Variants in PLEKHM3 observed in about 807,000 individuals in gnomAD.
The protein encoded by PLEKHM3 is pleckstrin homology domain containing M3.
In PLEKHM3, 45 loss-of-function variants were observed where a neutral mutation model predicts 81.8. The observed-to-expected ratio is 0.55, with a 90% CI of 0.43 to 0.71. The LOEUF (loss-of-function observed/expected upper bound fraction) is 0.71. PLEKHM3 is among the 30% of genes least tolerant of loss of function. The pLI is 0.00. For missense variants in PLEKHM3, 788 were observed against 924.3 expected (o/e 0.85, Z 1.91); for synonymous variants, 352 against 356.4 (o/e 0.99, Z 0.14).
At chr2:207,880,361 C>G (rs1387051018) in intron 6 of PLEKHM3, among the ~76,000 whole-genome samples, 2 of 149,760 alleles carry the variant, frequency 1.3e-5, no homozygotes, top group Non-Finnish European at 3.0e-5. Context: ...GAGCTGAGAT[C>G]GTGCCACTGC....
In PLEKHM3 at chr2:207,824,566, C is replaced by T. The variant is rs2092238053; in HGVS notation, c.*3753G>A. On this transcript the variant is annotated 3_prime_UTR_variant, in exon 8 of 8. Coordinates refer to ENST00000427836, the MANE Select transcript of PLEKHM3 (RefSeq NM_001080475.3). ...CAGTGTGCGTGGCATCGTGCTAGTCCCACCTGGATATACTAATTTATGGAC... is the reference window on the plus strand; with the variant it reads ...CAGTGTGCGTGGCATCGTGCTAGTCTCACCTGGATATACTAATTTATGGAC... The T allele has an allele frequency of 6.6e-6, 1 of 152,226 alleles. No homozygotes were observed. Among genetic ancestry groups the T allele is most frequent in the Non-Finnish European group, 1.5e-5 (1 of 68,058 alleles). 9.4% of individuals were successfully genotyped at this position (152,226 alleles called of 1,614,324 possible).
intron 6 of PLEKHM3, among the ~76,000 whole-genome samples, chr2:207,868,130 C>A (rs752752891): frequency 1.3e-5 from 2 of 152,152 alleles, no homozygotes; most frequent in Non-Finnish European, 2.9e-5. Context: ...CTCAACAGGG[C>A]TCAGCGTGGG....
chr2:207,860,096 T>C (rs866968787), intron 7 of PLEKHM3, among the ~76,000 whole-genome samples: 2 of 150,944 alleles, frequency 1.3e-5, no homozygotes, highest in Admixed American at 6.6e-5. Flanking sequence ...CTCTGGGCTA[T>C]ATAAGCTCTA....
intron 7 of PLEKHM3, among the ~76,000 whole-genome samples, chr2:207,834,848 G>A (rs1295062548): frequency 6.6e-6 from 1 of 152,074 alleles, no homozygotes; most frequent in Non-Finnish European, 1.5e-5. Context: ...TGTCCTACCT[G>A]GGCCATCTAA....
chr2:207,861,343 T>G, intron 6 of PLEKHM3, 81 bp from the exon 7 acceptor site: 1 of 1,383,218 alleles, frequency 7.2e-7, no homozygotes, highest in Non-Finnish European at 9.8e-7. Context: ...AAGGAATTCC[T>G]TTCCTTTACA....
chr2:208,025,523 T>C lies in PLEKHM3; in HGVS notation c.-453A>G. ...CGCTGACCATCCCGGCCCGGCTCTG[T>C]TTACAAGCGGCTTCTCGCGGTCCCA... On this transcript the variant is annotated 5_prime_UTR_variant, in exon 1 of 8. Coordinates refer to ENST00000427836, the MANE Select transcript of PLEKHM3 (RefSeq NM_001080475.3). 1.3e-5 allele frequency: 2 copies of C among 152,358 alleles called. No homozygotes were observed. The highest frequency in any genetic ancestry group is 4.1e-4 in the South Asian group (2 of 4,830). 9.4% of individuals were successfully genotyped at this position (152,358 alleles called of 1,614,324 possible).
At chr2:207,955,412 AAAAT>A (rs1469862730) in intron 3 of PLEKHM3, among the ~76,000 whole-genome samples, 1 of 152,192 alleles carries the variant, frequency 6.6e-6, no homozygotes, top group Non-Finnish European at 1.5e-5. Context: ...TTTAAAAATA[AAAAT>A]AAATAAATAA....
chr2:207,926,995 G>A (rs572269187), intron 5 of PLEKHM3, among the ~76,000 whole-genome samples: 11 of 152,224 alleles, frequency 7.2e-5, no homozygotes, highest in African/African-American at 1.9e-4. Context: ...ACAGGTCTTC[G>A]GCATGTTGCG....
At chr2:207,882,588 G>A (rs1455297421) in intron 6 of PLEKHM3, among the ~76,000 whole-genome samples, 1 of 143,204 alleles carries the variant, frequency 7.0e-6, no homozygotes, top group Non-Finnish European at 1.5e-5. Context: ...CTCCAGCCTG[G>A]GCGACAAGAG....
chr2:207,873,474 A>G (rs537483521), intron 6 of PLEKHM3, among the ~76,000 whole-genome samples: 1 of 152,366 alleles, frequency 6.6e-6, no homozygotes, highest in Admixed American at 6.5e-5. Flanking sequence ...ACCAACAAGG[A>G]AGACATCAAA....
intron 3 of PLEKHM3, among the ~76,000 whole-genome samples, chr2:207,949,077 G>C (rs964213632): frequency 7.9e-5 from 12 of 152,056 alleles, no homozygotes; most frequent in Admixed American, 6.6e-4. Context: ...AGTACTATCT[G>C]GCACATGTAC....
Position 207,892,514 on chromosome 2 carries a change from A to G in PLEKHM3, c.1950+16000T>C, listed in dbSNP as rs565872220. ...ACGGCTGGCCATATCAGTTTCTCAG[A>G]AAGACTTCAACTTCTCTCCTACGCT... is the stretch of plus-strand genomic sequence containing the variant. On this transcript the variant is annotated intron_variant, in intron 6 of 7. Coordinates refer to ENST00000427836, the MANE Select transcript of PLEKHM3 (RefSeq NM_001080475.3). Among the ~76,000 whole-genome samples the G allele has an allele frequency of 2.0e-5, 3 of 152,294 alleles. No homozygotes were observed. In the East Asian group the frequency reaches 5.8e-4, roughly 29 times the overall value.
At chr2:207,962,913 T>C (rs974225543) in intron 3 of PLEKHM3, among the ~76,000 whole-genome samples, 17 of 123,672 alleles carry the variant, frequency 1.4e-4, no homozygotes, top group South Asian at 4.9e-4. Flanking sequence ...AGAGGTCCTA[T>C]AGTCAAAAAT....
intron 6 of PLEKHM3, among the ~76,000 whole-genome samples, chr2:207,875,256 C>A (rs900958564): frequency 6.6e-5 from 10 of 152,084 alleles, no homozygotes; most frequent in Non-Finnish European, 1.3e-4. Context: ...AATAAAAAGG[C>A]AATTCAGAAA....
chr2:207,982,463 T>C (rs1319661348), intron 2 of PLEKHM3, among the ~76,000 whole-genome samples: 1 of 151,918 alleles, frequency 6.6e-6, no homozygotes, highest in Non-Finnish European at 1.5e-5. Context: ...AGAGACAGAG[T>C]CTTGCTATGT....
intron 1 of PLEKHM3, among the ~76,000 whole-genome samples, chr2:208,016,122 A>G (rs1445391724): frequency 6.6e-6 from 1 of 152,122 alleles, no homozygotes; most frequent in Non-Finnish European, 1.5e-5. Context: ...TGAAACCAGG[A>G]GGCAGAGGTT....
chr2:207,857,729 CTCTTT>C (rs965198378), intron 7 of PLEKHM3, among the ~76,000 whole-genome samples: 5 of 151,992 alleles, frequency 3.3e-5, no homozygotes, highest in Non-Finnish European at 5.9e-5. Flanking sequence ...TTTGTATCTT[CTCTTT>C]TAATTTCTTG....
At chr2:207,966,366 T>A (rs755522066) in intron 3 of PLEKHM3, among the ~76,000 whole-genome samples, 9 of 152,142 alleles carry the variant, frequency 5.9e-5, no homozygotes, top group Non-Finnish European at 1.0e-4. Context: ...AAAAATACAA[T>A]CCACTCTGCA....
chr2:207,938,824 G>A (rs74895964), intron 4 of PLEKHM3, among the ~76,000 whole-genome samples: 2,015 of 152,172 alleles, frequency 0.013, 53 homozygotes, highest in African/African-American at 0.046. Context: ...CTAATTACTT[G>A]AATGACCACC....
Sources: gnomAD v4.1 joint callset for allele counts (sites outside exome capture counted in the v4.1 genomes callset) on GRCh38, gnomAD v4.1.1 for gene constraint, MANE v1.5 for transcripts, NCBI Gene and HGNC (gene_info 2026-07-23, HGNC 2026-07-21) for gene names.